EYS: variants seen among roughly 807,000 people sequenced by gnomAD.
The protein encoded by EYS is protein eyes shut homolog.
A neutral mutation model predicts 282.1 loss-of-function variants in EYS; 250 were observed. That is an observed-to-expected ratio of 0.89 (90% CI 0.80 to 0.98). The LOEUF is 0.98. Among genes scored for constraint, EYS ranks in the 50% least tolerant of loss-of-function variants. The pLI is 0.00. For synonymous variants in EYS, 1,355 were observed against 1,282.9 expected, an observed-to-expected ratio of 1.06 and a Z score of -1.20; for missense variants, 4,016 against 3,709.0, an observed-to-expected ratio of 1.08 and a Z score of -2.15.
At chr6:64,112,329 A>C (rs939853145) in intron 31 of EYS, among the ~76,000 whole-genome samples, 1 of 152,122 alleles carries the variant, frequency 6.6e-6, no homozygotes, top group Admixed American at 6.6e-5. Flanking sequence ...TTGGTCAAGA[A>C]GTTTAATTGA....
At chr6:64,018,234 G>C (rs981973782) in intron 33 of EYS, among the ~76,000 whole-genome samples, 1 of 152,060 alleles carries the variant, frequency 6.6e-6, no homozygotes, top group African/African-American at 2.4e-5. Flanking sequence ...ATTTGAAAAC[G>C]TAAATTAACA....
intron 1 of EYS, among the ~76,000 whole-genome samples, chr6:65,648,226 G>A (rs1280666859): frequency 4.0e-5 from 6 of 151,872 alleles, no homozygotes; most frequent in Non-Finnish European, 5.9e-5. Flanking sequence ...ATACTTGCAC[G>A]CACATGTTTA....
In EYS at chr6:65,297,134, T is replaced by C. The variant is rs76591405; in HGVS notation, c.1767-1015A>G. 3.2e-3 allele frequency among the ~76,000 whole-genome samples: 486 copies of C among 151,358 alleles called. 16 individuals are homozygous for C. The South Asian group carries it at 0.045, about 14-fold the overall frequency. Reference sequence around the variant, plus strand: ...ATCATTTTAATATAATAATACATTATATAATATATCCATATGCATTTCTTT... The same window carrying C: ...ATCATTTTAATATAATAATACATTACATAATATATCCATATGCATTTCTTT... On this transcript the variant is annotated intron_variant, in intron 11 of 42. Coordinates refer to ENST00000503581, the MANE Select transcript of EYS (RefSeq NM_001142800.2).
chr6:65,384,829 T>C (rs927811580), intron 7 of EYS, among the ~76,000 whole-genome samples: 2 of 151,890 alleles, frequency 1.3e-5, no homozygotes, highest in African/African-American at 4.8e-5. Context: ...ACAAATGTGA[T>C]TTTTTAATGT....
intron 26 of EYS, among the ~76,000 whole-genome samples, chr6:64,532,107 G>C (rs1341440665): frequency 1.3e-5 from 2 of 152,180 alleles, no homozygotes; most frequent in Non-Finnish European, 2.9e-5. Context: ...TTGAGGTTCA[G>C]AAAGTCTGGC....
intron 12 of EYS, among the ~76,000 whole-genome samples, chr6:65,151,389 T>C (rs1454844377): frequency 6.6e-6 from 1 of 151,856 alleles, no homozygotes; most frequent in Non-Finnish European, 1.5e-5. Context: ...CCGAAGAAAG[T>C]TTTTAACTCA....
chr6:65,219,481 C>A (rs1346125203), intron 12 of EYS, among the ~76,000 whole-genome samples: 1 of 152,034 alleles, frequency 6.6e-6, no homozygotes, highest in Non-Finnish European at 1.5e-5. Flanking sequence ...ATAACATTTT[C>A]TTCTACTGAG....
chr6:65,121,129 T>A (rs1775536070), intron 12 of EYS, among the ~76,000 whole-genome samples: 1 of 152,096 alleles, frequency 6.6e-6, no homozygotes, highest in Admixed American at 6.5e-5. Context: ...CACATGAGAA[T>A]CCTATTCTTT....
At chr6:64,301,759 C>A (rs1261813813) in intron 30 of EYS, among the ~76,000 whole-genome samples, 1 of 152,102 alleles carries the variant, frequency 6.6e-6, no homozygotes, top group Non-Finnish European at 1.5e-5. Flanking sequence ...GTGATGTTAC[C>A]TACAAAAATA....
intron 1 of EYS, among the ~76,000 whole-genome samples, chr6:65,695,595 A>C (rs961946892): frequency 5.3e-5 from 8 of 151,704 alleles, no homozygotes; most frequent in Non-Finnish European, 1.2e-4. Flanking sequence ...CAGCCATATT[A>C]AGCTGATGCC....
intron 12 of EYS, among the ~76,000 whole-genome samples, chr6:65,103,419 C>A (rs569142544): frequency 8.9e-4 from 134 of 151,330 alleles, no homozygotes; most frequent in Non-Finnish European, 1.2e-3. Context: ...ATTCCTTTTT[C>A]CTTTCTCTGG....
chr6:65,182,378 T>C lies in EYS; in HGVS notation c.2023+113485A>G, dbSNP rs1765410122. Among the ~76,000 whole-genome samples the C allele has an allele frequency of 2.6e-5, 4 of 151,680 alleles. 1 individual carries two copies. The South Asian group carries it at 8.3e-4, about 31-fold the overall frequency. On this transcript the variant is annotated intron_variant, in intron 12 of 42. Coordinates refer to ENST00000503581, the MANE Select transcript of EYS (RefSeq NM_001142800.2). ...TTTTTCCAGGCCAATTTTAAAGCTT[T>C]TAAAAGTTTTGTTTTTTTAATTCTG...
At chr6:65,573,494 G>T (rs1479826166) in intron 2 of EYS, among the ~76,000 whole-genome samples, 1 of 152,102 alleles carries the variant, frequency 6.6e-6, no homozygotes, top group African/African-American at 2.4e-5. Flanking sequence ...AGAATTGGCT[G>T]CTGTTCAGTC....
chr6:65,431,731 G>T (rs1000485499), intron 5 of EYS, among the ~76,000 whole-genome samples: 2 of 151,936 alleles, frequency 1.3e-5, no homozygotes, highest in Admixed American at 6.6e-5. Flanking sequence ...CTAAATTTCC[G>T]TAATTTTCAT....
At chr6:63,825,882 A>G (rs1423503018) in intron 36 of EYS, among the ~76,000 whole-genome samples, 1 of 152,246 alleles carries the variant, frequency 6.6e-6, no homozygotes, top group Non-Finnish European at 1.5e-5. Context: ...CACTGGATCC[A>G]AACCAAGAAG....
chr6:65,138,322 C>T (rs1246688214), intron 12 of EYS, among the ~76,000 whole-genome samples: 1 of 152,074 alleles, frequency 6.6e-6, no homozygotes, highest in African/African-American at 2.4e-5. Flanking sequence ...ACAATCTTCA[C>T]ATGTCTGCTT....
intron 8 of EYS, among the ~76,000 whole-genome samples, chr6:65,361,493 T>TTA (rs1764707610): frequency 6.6e-6 from 1 of 151,678 alleles, no homozygotes; most frequent in Non-Finnish European, 1.5e-5. Context: ...TCGTTCCTTT[T>TTA]TTTTTTGGTC....
intron 12 of EYS, among the ~76,000 whole-genome samples, chr6:65,210,932 AC>A (rs1321082061): frequency 6.5e-5 from 4 of 61,320 alleles, no homozygotes; most frequent in African/African-American, 2.8e-4. Context: ...AGTCGTACAA[AC>A]ACACACACAC....
chr6:64,734,137 A>G (rs1436576112), intron 22 of EYS, among the ~76,000 whole-genome samples: 2 of 149,962 alleles, frequency 1.3e-5, no homozygotes, highest in East Asian at 3.9e-4. Context: ...AAAAAAAAAC[A>G]AGTAGAAACA....
Sources: gnomAD v4.1 joint callset for allele counts (sites outside exome capture counted in the v4.1 genomes callset) on GRCh38, gnomAD v4.1.1 for gene constraint, MANE v1.5 for transcripts, NCBI Gene and HGNC (gene_info 2026-07-23, HGNC 2026-07-21) for gene names.